RTTN: variants seen among roughly 807,000 people sequenced by gnomAD.
RTTN encodes the protein rotatin.
A neutral mutation model predicts 269.2 loss-of-function variants in RTTN; 182 were observed. That is an observed-to-expected ratio of 0.68 (90% confidence interval 0.60 to 0.76). The LOEUF (loss-of-function observed/expected upper bound fraction) is 0.76, where lower values mean the gene tolerates loss of function less well. RTTN is among the 30% of genes least tolerant of loss of function. The pLI is 0.00. For missense variants in RTTN, 2,545 were observed against 2,608.6 expected (o/e 0.98, Z 0.53); for synonymous variants, 1,006 against 963.5 (o/e 1.04, Z -0.82).
chr18:70,135,074 G>C, intron 22 of RTTN, 110 bp downstream of exon 22: 1 of 601,242 alleles, frequency 1.7e-6, no homozygotes, highest in Non-Finnish European at 2.9e-6. Context: ...GTGTAGCATG[G>C]ACAGCATAAG....
intron 43 of RTTN, among the ~76,000 whole-genome samples, chr18:70,026,555 T>C (rs1470708229): frequency 6.6e-6 from 1 of 152,186 alleles, no homozygotes; most frequent in African/African-American, 2.4e-5. Flanking sequence ...GACGCCACTG[T>C]GCTTCCTCTA....
intron 32 of RTTN, among the ~76,000 whole-genome samples, chr18:70,077,835 C>T (rs1420883552): frequency 6.6e-6 from 1 of 151,532 alleles, no homozygotes; most frequent in Non-Finnish European, 1.5e-5. Flanking sequence ...ATTGAAGAAG[C>T]TAATTTAGCT....
chr18:70,022,092 T>C (rs1474592758), intron 44 of RTTN, among the ~76,000 whole-genome samples: 1 of 152,218 alleles, frequency 6.6e-6, no homozygotes, highest in Non-Finnish European at 1.5e-5. Flanking sequence ...CTTAAATTTA[T>C]GACCATAAGT....
chr18:70,038,848 A>G (rs1468356747), intron 40 of RTTN, among the ~76,000 whole-genome samples: 1 of 152,234 alleles, frequency 6.6e-6, no homozygotes, highest in Non-Finnish European at 1.5e-5. Flanking sequence ...GAAGGAATTC[A>G]GAATTTTATC....
intron 26 of RTTN, among the ~76,000 whole-genome samples, chr18:70,115,895 A>G (rs1002339919): frequency 1.3e-5 from 2 of 152,020 alleles, no homozygotes; most frequent in African/African-American, 4.8e-5. Context: ...AGATATATAC[A>G]ATTATAAATA....
At chr18:70,060,628 T>G (rs2057955416) in intron 35 of RTTN, among the ~76,000 whole-genome samples, 1 of 152,146 alleles carries the variant, frequency 6.6e-6, no homozygotes, top group Non-Finnish European at 1.5e-5. Context: ...AACTCCATTC[T>G]TTTAGTTATT....
chr18:70,121,485 TATA>T, intron 26 of RTTN, 68 bp downstream of exon 26: 2 of 1,258,694 alleles, frequency 1.6e-6, no homozygotes, highest in Non-Finnish European at 2.2e-6. Context: ...TTTTCCATAA[TATA>T]ATGTTAATGA....
chr18:70,112,553 A>T (rs1464634095), intron 27 of RTTN, among the ~76,000 whole-genome samples: 1 of 151,960 alleles, frequency 6.6e-6, no homozygotes, highest in Non-Finnish European at 1.5e-5. Flanking sequence ...ACCAACAAAG[A>T]TCAAAAGAGA....
chr18:70,095,768 T>A (rs1351510403), intron 28 of RTTN, among the ~76,000 whole-genome samples: 1 of 152,030 alleles, frequency 6.6e-6, no homozygotes, highest in Non-Finnish European at 1.5e-5. Flanking sequence ...GACGATTACA[T>A]GTCTTGGGGT....
At chr18:70,063,920 T>A (rs2058059846) in intron 35 of RTTN, among the ~76,000 whole-genome samples, 1 of 151,508 alleles carries the variant, frequency 6.6e-6, no homozygotes, top group African/African-American at 2.4e-5. Flanking sequence ...GGATTCATCC[T>A]CTGTTCATGC....
chr18:70,053,186 G>A (rs1330134093), intron 38 of RTTN: 1 of 152,168 alleles, frequency 6.6e-6, no homozygotes, highest in African/African-American at 2.4e-5. Context: ...GCTTCTCAAG[G>A]AATTCTCAAG....
chr18:70,059,093 A>G (rs1311118192), intron 36 of RTTN, among the ~76,000 whole-genome samples: 1 of 152,182 alleles, frequency 6.6e-6, no homozygotes, highest in Non-Finnish European at 1.5e-5. Context: ...GAATAAACTG[A>G]ACACCAGAAG....
intron 7 of RTTN, chr18:70,194,278 TA>T (rs1220516456): frequency 6.6e-6 from 1 of 152,224 alleles, no homozygotes; most frequent in East Asian, 1.9e-4. Context: ...TGACTACGAT[TA>T]TTTTTAAAAA....
chr18:70,049,815 T>A (rs1242732896), intron 39 of RTTN, among the ~76,000 whole-genome samples: 1 of 152,184 alleles, frequency 6.6e-6, no homozygotes, highest in African/African-American at 2.4e-5. Flanking sequence ...GCAACTATCA[T>A]GAAAAACATA....
intron 32 of RTTN, among the ~76,000 whole-genome samples, chr18:70,080,005 C>G (rs1401754915): frequency 6.6e-6 from 1 of 151,658 alleles, no homozygotes; most frequent in Non-Finnish European, 1.5e-5. Flanking sequence ...AAAAATGACC[C>G]TAAATACATT....
At chr18:70,124,835 C>T (rs931763193) in intron 25 of RTTN, among the ~76,000 whole-genome samples, 2 of 151,980 alleles carry the variant, frequency 1.3e-5, no homozygotes, top group African/African-American at 4.8e-5. Flanking sequence ...AAAACCAATT[C>T]GCTAGTCAGT....
chr18:70,068,284 C>A (rs2058198825), intron 34 of RTTN, among the ~76,000 whole-genome samples: 1 of 152,188 alleles, frequency 6.6e-6, no homozygotes, highest in African/African-American at 2.4e-5. Flanking sequence ...GTATTAGCTA[C>A]TGGAAGGTGC....
At chr18:70,164,377 A>ATTTTTTTTTTTTTTTTTTTTTTTTT (rs113753514) in intron 14 of RTTN, among the ~76,000 whole-genome samples, 1 of 140,160 alleles carries the variant, frequency 7.1e-6, no homozygotes. Flanking sequence ...ATGCCCAGCT[A>ATTTTTTTTTTTTTTTTTTTTTTTTT]TTTTTTTTTT....
intron 21 of RTTN, among the ~76,000 whole-genome samples, chr18:70,139,152 G>T (rs916025024): frequency 6.6e-6 from 1 of 152,134 alleles, no homozygotes; most frequent in South Asian, 2.1e-4. Flanking sequence ...ATTTAGGATG[G>T]TCTAGTTTCT....
Sources: allele counts gnomAD v4.1 joint callset (sites outside exome capture counted in the v4.1 genomes callset), GRCh38; gene constraint gnomAD v4.1.1; transcripts MANE v1.5; gene names NCBI Gene and HGNC (gene_info 2026-07-23, HGNC 2026-07-21).